The following MAP3K19 variants were observed in gnomAD, a reference collection of about 807,000 sequenced individuals.
MAP3K19 encodes the protein mitogen-activated protein kinase kinase kinase 19, also known as SPS1/STE20-related protein kinase YSK4.
Under a neutral mutation model 114.4 loss-of-function variants are expected in MAP3K19, and 91 were observed. The observed-to-expected ratio is 0.80, with a 90% CI of 0.67 to 0.95. The LOEUF (loss-of-function observed/expected upper bound fraction) is 0.95, where lower values mean the gene tolerates loss of function less well. Ranked by LOEUF, MAP3K19 falls within the 40% of genes least tolerant of loss-of-function variation. The probability of loss-of-function intolerance (pLI) is 0.00; values close to 1 mark genes in which losing one functional copy is unlikely to be tolerated. For missense variants in MAP3K19, 1,471 were observed against 1,573.2 expected (o/e 0.94, Z 1.10); for synonymous variants, 518 against 530.5 (o/e 0.98, Z 0.32).
Position 134,983,689 on chromosome 2 carries a change from C to T in MAP3K19, c.3209G>A (p.Gly1070Glu), listed in dbSNP as rs760013283. ...AGTTTAACTTACTGTGCCGTAGGCT[C>T]CCTTTCCAAGAATCTCACCCTTGGT... is the stretch of plus-strand genomic sequence containing the variant. ...LWTKGEILGK[G>E]AYGTVYCGLT... Residue 1070 changes from glycine to glutamate, a missense_variant, in exon 11 of 13, where the codon GGA (glycine) becomes GAA (glutamate). By Grantham distance (98) the Gly-to-Glu change is moderately conservative. Transcript: ENST00000392915. 1.5e-5 allele frequency: 24 copies of T among 1,569,790 alleles called. No homozygotes were observed. In the South Asian group the frequency reaches 2.8e-4, roughly 18 times the overall value.
intron 8 of MAP3K19, among the ~76,000 whole-genome samples, chr2:134,995,890 C>T (rs941848700): frequency 1.6e-4 from 24 of 151,788 alleles, no homozygotes; most frequent in African/African-American, 5.1e-4. Context: ...AAATACCATT[C>T]TAAACATGAT....
At position 134,987,786 on chromosome 2, in the gene MAP3K19, C is replaced by G. The variant is rs773311272; in HGVS notation, c.1086G>C (p.Glu362Asp). ...HGSKTRKPEE[E>D]NSQYLSSRKN... ...TTCTTGATGAAAGATATTGAGAGTT[C>G]TCTTCTTCAGGTTTTCGCGTTTTAC... Residue 362 changes from glutamate (E) to aspartate (D), a missense_variant, in exon 10 of 13, where the codon GAG becomes GAC. Coordinates refer to ENST00000392915, the MANE Select transcript of MAP3K19 (RefSeq NM_025052.5). 1.9e-6 allele frequency: 3 copies of G among 1,607,458 alleles called. No individual in the cohort carries two copies. Among genetic ancestry groups the G allele is most frequent in the Admixed American group, 1.7e-5 (1 of 59,978 alleles).
intron 8 of MAP3K19, 140 bp downstream of exon 8, chr2:134,998,598 G>T: frequency 1.2e-6 from 1 of 816,108 alleles, no homozygotes; most frequent in Non-Finnish European, 1.8e-6. Flanking sequence ...TGACCCCCAG[G>T]AATGTAAATT....
In MAP3K19 at chr2:135,024,665, G is replaced by A; in HGVS notation, c.-18C>T. ...GAACTCATTAAAATGTCCAAAAGCT[G>A]CTGTTTCTTTGAACTCTCTATTTGT... On this transcript the variant is annotated 5_prime_UTR_variant, in exon 4 of 13. Coordinates refer to ENST00000392915, the MANE Select transcript of MAP3K19 (RefSeq NM_025052.5). 1 of 1,611,860 alleles carries A rather than the reference G, an allele frequency of 6.2e-7. No homozygotes were observed. The highest frequency in any genetic ancestry group is 8.5e-7 in the Non-Finnish European group (1 of 1,178,216).
At chr2:135,029,087 A>G (rs1008003342) in intron 3 of MAP3K19, among the ~76,000 whole-genome samples, 3 of 152,162 alleles carry the variant, frequency 2.0e-5, no homozygotes, top group Admixed American at 6.5e-5. Flanking sequence ...AAAAACAGAC[A>G]TTGGGCCGGG....
intron 5 of MAP3K19, among the ~76,000 whole-genome samples, chr2:135,017,398 C>T (rs1166186010): frequency 1.3e-5 from 2 of 152,036 alleles, no homozygotes; most frequent in East Asian, 3.8e-4. Flanking sequence ...TGGATGCAAT[C>T]TCTCTGTCAA....
At chr2:135,021,562 A>G (rs983554292) in intron 5 of MAP3K19, among the ~76,000 whole-genome samples, 153 bp downstream of exon 5, 1 of 152,192 alleles carries the variant, frequency 6.6e-6, no homozygotes, top group Non-Finnish European at 1.5e-5. Flanking sequence ...CTGAGATTAA[A>G]CTTTCAGAAG....
intron 2 of MAP3K19, among the ~76,000 whole-genome samples, chr2:135,036,181 T>C (rs914763546): frequency 1.3e-5 from 2 of 152,140 alleles, no homozygotes; most frequent in Non-Finnish European, 2.9e-5. Context: ...TGCTGTTCCC[T>C]CTACCCCAAT....
chr2:134,985,795 C>G lies in MAP3K19; in HGVS notation c.3072+5G>C, dbSNP rs1306630085. The G allele has an allele frequency of 3.1e-6, 5 of 1,590,510 alleles. No individual in the cohort carries two copies. The highest frequency in any genetic ancestry group is 4.3e-6 in the Non-Finnish European group (5 of 1,169,734). Reference sequence around the variant, plus strand: ...CAATGAATCTTGGATTCTAATTATACCAACCTGTATTTTGACTTTTGTTGT... The same window carrying G: ...CAATGAATCTTGGATTCTAATTATAGCAACCTGTATTTTGACTTTTGTTGT... On this transcript the variant is annotated splice_donor_5th_base_variant and intron_variant, in intron 10 of 12. Transcript: ENST00000392915.
At chr2:135,022,575 AG>A (rs1414288305) in intron 4 of MAP3K19, among the ~76,000 whole-genome samples, 1 of 152,198 alleles carries the variant, frequency 6.6e-6, no homozygotes, top group African/African-American at 2.4e-5. Context: ...ACTGCCCTGA[AG>A]CCCCTGAAGT....
intron 5 of MAP3K19, among the ~76,000 whole-genome samples, chr2:135,011,923 T>C (rs1687263301): frequency 6.6e-6 from 1 of 152,192 alleles, no homozygotes; most frequent in Non-Finnish European, 1.5e-5. Context: ...AAACATTTAT[T>C]TCAATGTATT....
chr2:135,026,056 T>C (rs1182245059), intron 3 of MAP3K19, among the ~76,000 whole-genome samples: 2 of 152,214 alleles, frequency 1.3e-5, no homozygotes, highest in Admixed American at 6.5e-5. Flanking sequence ...TATTCTCTTA[T>C]GGACTTTTCT....
intron 1 of MAP3K19, among the ~76,000 whole-genome samples, chr2:135,045,460 CA>C (rs1574062862): frequency 1.3e-5 from 2 of 152,076 alleles, no homozygotes; most frequent in East Asian, 1.9e-4. Flanking sequence ...AGGATCATTT[CA>C]GGGGGAAAAA....
intron 4 of MAP3K19, among the ~76,000 whole-genome samples, chr2:135,023,017 T>A (rs7563997): frequency 0.31 from 47,192 of 152,034 alleles, 11,061 homozygotes; most frequent in African/African-American, 0.64. Context: ...TGGCTTCTTC[T>A]AATAAGCATT....
chr2:135,036,635 TTATGTGTGTG>T (rs1476308284), intron 2 of MAP3K19, among the ~76,000 whole-genome samples: 43 of 126,534 alleles, frequency 3.4e-4, no homozygotes, highest in African/African-American at 6.5e-4. Context: ...GAGTTCAACA[TTATGTGTGTG>T]TGTGTGTGTG....
At chr2:134,966,018 A>T (rs1039374464) in intron 12 of MAP3K19, among the ~76,000 whole-genome samples, 1 of 152,228 alleles carries the variant, frequency 6.6e-6, no homozygotes, top group Non-Finnish European at 1.5e-5. Context: ...TACTTAAGAT[A>T]AAGAACTCCA....
At chr2:134,966,954 G>A (rs1259106130) in intron 12 of MAP3K19, among the ~76,000 whole-genome samples, 3 of 152,170 alleles carry the variant, frequency 2.0e-5, no homozygotes, top group African/African-American at 7.2e-5. Flanking sequence ...AAAGACATAA[G>A]AGACTCCATT....
In MAP3K19 at chr2:135,033,707, C is replaced by G. The variant is rs1479967785; in HGVS notation, c.-283-3207G>C. Among the ~76,000 whole-genome samples the G allele has an allele frequency of 2.1e-5, 2 of 95,196 alleles. 1 individual carries two copies. Among genetic ancestry groups the G allele is most frequent in the African/African-American group, 1.3e-4 (2 of 15,936 alleles). 62.5% of individuals were successfully genotyped at this position (95,196 alleles called of 152,430 possible). ...CGGCCGGCCGGGGGGGCTAACCCCC[C>G]CCACCTCCCTCCCGGACGGGGTGGC... is the stretch of plus-strand genomic sequence containing the variant. On this transcript the variant is annotated intron_variant, in intron 2 of 12. Transcript: ENST00000392915.
At chr2:135,010,962 A>G (rs1269937237) in intron 5 of MAP3K19, among the ~76,000 whole-genome samples, 4 of 152,160 alleles carry the variant, frequency 2.6e-5, no homozygotes, top group Non-Finnish European at 5.9e-5. Context: ...GATTCTCCTC[A>G]GGTGAAAAAA....
Sources: gnomAD v4.1 joint callset for allele counts (sites outside exome capture counted in the v4.1 genomes callset) on GRCh38, gnomAD v4.1.1 for gene constraint, MANE v1.5 for transcripts, NCBI Gene and HGNC (gene_info 2026-07-23, HGNC 2026-07-21) for gene names.